MXD1: variants seen among roughly 807,000 people sequenced by gnomAD.
The protein encoded by MXD1 is MAX dimerization protein 1.
MXD1 carries 9 observed loss-of-function variants against 25.7 expected under a neutral mutation model. The ratio of observed to expected loss-of-function variants is 0.35; its 90% confidence interval spans 0.21 to 0.61. The LOEUF (loss-of-function observed/expected upper bound fraction) is 0.61, where lower values mean the gene tolerates loss of function less well. Ranked by LOEUF, MXD1 falls within the 20% of genes least tolerant of loss-of-function variation. The probability of loss-of-function intolerance (pLI) is 0.75; values close to 1 mark genes in which losing one functional copy is unlikely to be tolerated. For synonymous variants in MXD1, 99 were observed against 113.9 expected, an observed-to-expected ratio of 0.87 and a Z score of 0.83; for missense variants, 227 against 292.4, an observed-to-expected ratio of 0.78 and a Z score of 1.63.
chr2:69,915,376 G>A lies in MXD1; in HGVS notation c.46G>A (p.Ala16Thr). Residue 16 changes from alanine to threonine, a missense_variant, in exon 1 of 6, where the codon GCC (alanine) becomes ACC (threonine). Coordinates refer to ENST00000264444, the MANE Select transcript of MXD1 (RefSeq NM_002357.4). This position sits in a 1 kb window ranked among gnomAD's most constrained non-coding sequence, Gnocchi z 5.8. ...GAACATCCAGATGCTGCTGGAGGCG[G>A]CCGACTATCTGGAGCGGCGGGAGAG... ...RMNIQMLLEAADYLERREREA... is the reference protein window; with the variant it reads ...RMNIQMLLEATDYLERREREA... 1 of 1,285,436 alleles carries A rather than the reference G, an allele frequency of 7.8e-7. No homozygotes were observed. The highest frequency in any genetic ancestry group is 2.7e-5 in the South Asian group (1 of 36,878). The allele number at this position is 1,285,436 out of a possible 1,614,324, so 79.6% of individuals were successfully genotyped here.
At chr2:69,923,542 T>C (rs6725425) in intron 3 of MXD1, among the ~76,000 whole-genome samples, 81,613 of 151,922 alleles carry the variant, frequency 0.54, 23,982 homozygotes, top group African/African-American at 0.79. Flanking sequence ...AGGTAGAATC[T>C]GGGAAGAGGG....
At position 69,937,400 on chromosome 2, in the gene MXD1, C is replaced by A; in HGVS notation, c.478+6C>A. On this transcript the variant is annotated splice_donor_region_variant and intron_variant, in intron 5 of 5. Transcript: ENST00000264444. ...GCGCTCCGACTCCGACAGGGGTGAG[C>A]CTCTCTCACTCTCCTCCCTGTCTCC... is the stretch of plus-strand genomic sequence containing the variant. 6.3e-7 allele frequency: 1 copy of A among 1,597,558 alleles called. No individual in the cohort carries two copies. Among genetic ancestry groups the A allele is most frequent in the South Asian group, 1.1e-5 (1 of 89,306 alleles).
intron 4 of MXD1, among the ~76,000 whole-genome samples, chr2:69,935,739 G>A (rs1677416591): frequency 6.6e-6 from 1 of 152,088 alleles, no homozygotes; most frequent in Non-Finnish European, 1.5e-5. Context: ...CATATATCTA[G>A]GCCATCTCCA....
rs1453550133 is a variant in MXD1 at position 69,935,365 on chromosome 2, G to A, written c.218G>A (p.Arg73His). 2 of 1,613,494 alleles carry A rather than the reference G, an allele frequency of 1.2e-6. No individual in the cohort carries two copies. The highest frequency in any genetic ancestry group is 1.7e-6 in the Non-Finnish European group (2 of 1,179,598). ...EMEKNRRAHL[R>H]LCLEKLKGLV... ...TGTTTTCATAGACGGGCTCATCTTC[G>A]CTTGTGCCTGGAGAAGTTGAAGGGG... The change falls in exon 4 of 6, where the codon CGC becomes CAC. Residue 73 changes from arginine (R) to histidine (H), a missense_variant. Transcript: ENST00000264444.
intron 5 of MXD1, among the ~76,000 whole-genome samples, chr2:69,937,685 G>A (rs58256945): frequency 0.013 from 1,940 of 152,284 alleles, 84 homozygotes; most frequent in Admixed American, 0.09. Flanking sequence ...TGTGATCTTG[G>A]CTCACTGCAA....
At chr2:69,925,663 A>G in intron 3 of MXD1, among the ~76,000 whole-genome samples, 1 of 152,180 alleles carries the variant, frequency 6.6e-6, no homozygotes, top group East Asian at 1.9e-4. Context: ...CTTAATGCCC[A>G]GTATTATATT....
rs537602787 is a variant in MXD1, at chr2:69,919,121, T to C, written c.174-2615T>C. On this transcript the variant is annotated intron_variant, in intron 2 of 5. Coordinates refer to ENST00000264444, the MANE Select transcript of MXD1 (RefSeq NM_002357.4). ...TATGGAGTTTGTTTAAAAGTTTATT[T>C]TGGGGATTCAGAATTTTGCATAAGT... is the stretch of plus-strand genomic sequence containing the variant. Among the ~76,000 whole-genome samples the C allele has an allele frequency of 2.0e-5, 3 of 152,342 alleles. No individual in the cohort carries two copies. In the East Asian group the frequency reaches 5.8e-4, roughly 29 times the overall value.
chr2:69,921,667 T>C, intron 2 of MXD1, 69 bp from the exon 3 acceptor site: 1 of 1,399,100 alleles, frequency 7.1e-7, no homozygotes, highest in South Asian at 1.3e-5. Flanking sequence ...TTAAAAGAAT[T>C]GTGTTGGTGT....
chr2:69,935,540 C>A, intron 4 of MXD1, 75 bp downstream of exon 4: 2 of 997,660 alleles, frequency 2.0e-6, no homozygotes, highest in Non-Finnish European at 1.6e-6. Flanking sequence ...ATCTCCAGGA[C>A]AGTCCTCTCC....
chr2:69,933,065 G>A (rs1677331365), intron 3 of MXD1, among the ~76,000 whole-genome samples: 1 of 151,772 alleles, frequency 6.6e-6, no homozygotes, highest in Admixed American at 6.6e-5. Context: ...CGGACGTGGT[G>A]GCGGGCGCCT....
intron 3 of MXD1, among the ~76,000 whole-genome samples, chr2:69,926,203 C>T (rs1677166493): frequency 6.6e-6 from 1 of 152,144 alleles, no homozygotes; most frequent in Admixed American, 6.5e-5. Flanking sequence ...CAGAATCAGT[C>T]TTCCCTCACT....
Position 69,915,550 on chromosome 2 carries a change from C to T in MXD1, c.73+147C>T. ...CAACCCCTCTGGCTCTCCCCACGCGCGGTCCGAAGGGAAGCCGCCGCTGCC... is the reference window on the plus strand; with the variant it reads ...CAACCCCTCTGGCTCTCCCCACGCGTGGTCCGAAGGGAAGCCGCCGCTGCC... On this transcript the variant is annotated intron_variant, in intron 1 of 5. Transcript: ENST00000264444. This position sits in a 1 kb window ranked among gnomAD's most constrained non-coding sequence, Gnocchi z 5.8. The T allele has an allele frequency of 1.7e-6, 1 of 578,514 alleles. No individual in the cohort carries two copies. Among genetic ancestry groups the T allele is most frequent in the Admixed American group, 4.4e-5 (1 of 22,934 alleles). 35.8% of individuals were successfully genotyped at this position (578,514 alleles called of 1,614,324 possible).
intron 4 of MXD1, among the ~76,000 whole-genome samples, chr2:69,936,286 G>T (rs1390499768): frequency 6.6e-6 from 1 of 152,066 alleles, no homozygotes; most frequent in South Asian, 2.1e-4. Context: ...TTTGACAGTG[G>T]TTTGTGTGAC....
Position 69,921,795 on chromosome 2 carries a change from G to T in MXD1, c.203+30G>T, listed in dbSNP as rs199926910. 3.2e-3 allele frequency: 5,104 copies of T among 1,608,600 alleles called. 167 individuals carry two copies. In the African/African-American group the frequency reaches 0.06, roughly 19 times the overall value. On this transcript the variant is annotated intron_variant, in intron 3 of 5. Coordinates refer to ENST00000264444, the MANE Select transcript of MXD1 (RefSeq NM_002357.4). ...GTTGGGGATTTGGGAGGTGGAATGC[G>T]GGGAGCTTTGTTGCATTCTCTGTTC...
intron 2 of MXD1, among the ~76,000 whole-genome samples, chr2:69,921,253 G>T (rs527531601): frequency 6.6e-6 from 1 of 152,178 alleles, no homozygotes; most frequent in African/African-American, 2.4e-5. Flanking sequence ...GGAGTCAGAA[G>T]TTTGGGGAAG....
At position 69,921,727 on chromosome 2, in the gene MXD1, C is replaced by T. The variant is rs575469437; in HGVS notation, c.174-9C>T. The T allele has an allele frequency of 1.8e-4, 295 of 1,608,264 alleles. 4 individuals carry two copies. The South Asian group carries it at 3.1e-3, about 17-fold the overall frequency. ...TATCTTATTCTTCTCTTATTGTTCC[C>T]TCTTTCAGATCAACTCACAATGAAA... On this transcript the variant is annotated splice_polypyrimidine_tract_variant and intron_variant, in intron 2 of 5. Transcript: ENST00000264444.
chr2:69,919,877 T>C (rs1374166999), intron 2 of MXD1, among the ~76,000 whole-genome samples: 1 of 151,404 alleles, frequency 6.6e-6, no homozygotes, highest in African/African-American at 2.4e-5. Context: ...GCTCTTGCTG[T>C]GTTGCCCACA....
At chr2:69,937,014 G>C in intron 4 of MXD1, 1 of 667,068 alleles carries the variant, frequency 1.5e-6, no homozygotes, top group South Asian at 1.5e-5. Flanking sequence ...GAATCCCTGT[G>C]ACAGGACAAG....
In MXD1 at chr2:69,938,408, G is replaced by A. The variant is rs970797316; in HGVS notation, c.*124G>A. On this transcript the variant is annotated 3_prime_UTR_variant, in exon 6 of 6. Transcript: ENST00000264444. ...CAGTGTCCCACCTTGACCAAAATCA[G>A]CTTTGTAACTGTTTTCAAGGAGGTG... 5 of 966,132 alleles carry A rather than the reference G, an allele frequency of 5.2e-6. No individual in the cohort carries two copies. Among genetic ancestry groups the A allele is most frequent in the Non-Finnish European group, 1.5e-6 (1 of 645,162 alleles). 59.8% of individuals were successfully genotyped at this position (966,132 alleles called of 1,614,324 possible). A position where few individuals can be genotyped will look rare whatever the true frequency, so the allele number is the denominator to read the frequency against.
Sources: gnomAD v4.1 joint callset for allele counts (sites outside exome capture counted in the v4.1 genomes callset) on GRCh38, gnomAD v4.1.1 for gene constraint, Gnocchi (gnomAD v3.1) non-coding constraint, MANE v1.5 for transcripts, NCBI Gene and HGNC (gene_info 2026-07-23, HGNC 2026-07-21) for gene names.